SUPT3H: variants seen among roughly 807,000 people sequenced by gnomAD.
SUPT3H encodes the protein transcription initiation protein SPT3 homolog.
A neutral mutation model predicts 44.3 loss-of-function variants in SUPT3H; 44 were observed. The ratio of observed to expected loss-of-function variants is 0.99; its 90% CI spans 0.78 to 1.28. SUPT3H has a LOEUF of 1.28. SUPT3H is among the 50% of genes most tolerant of loss of function. The pLI is 0.00. For missense variants in SUPT3H, 380 were observed against 387.1 expected, an observed-to-expected ratio of 0.98 and a Z score of 0.15; for synonymous variants, 124 against 125.6, an observed-to-expected ratio of 0.99 and a Z score of 0.09.
intron 5 of SUPT3H, among the ~76,000 whole-genome samples, chr6:45,007,751 T>TTG (rs1562247299): frequency 1.3e-5 from 2 of 150,012 alleles, no homozygotes; most frequent in Non-Finnish European, 1.5e-5. Flanking sequence ...TTTTTTTTTT[T>TTG]GCTGCTTGAT....
At position 45,146,262 on chromosome 6, in the gene SUPT3H, G is replaced by A. The variant is rs137974086; in HGVS notation, c.102-40256C>T. 2.7e-4 allele frequency among the ~76,000 whole-genome samples: 41 copies of A among 152,128 alleles called. 1 individual carries two copies. In the East Asian group the frequency reaches 3.1e-3, roughly 11 times the overall value. ...TTCGCAACTGCAAAAATATGGAACC[G>A]GCCTAAATGCCCATCAATCAATGAG... is the stretch of plus-strand genomic sequence containing the variant. On this transcript the variant is annotated intron_variant, in intron 2 of 10. Coordinates refer to ENST00000371459, the MANE Select transcript of SUPT3H (RefSeq NM_003599.4).
At chr6:45,220,308 A>T (rs1211807343) in intron 2 of SUPT3H, among the ~76,000 whole-genome samples, 1 of 152,124 alleles carries the variant, frequency 6.6e-6, no homozygotes, top group Non-Finnish European at 1.5e-5. Flanking sequence ...ACGGTTCAAC[A>T]TTCAAAAATA....
At chr6:45,164,537 A>G (rs1809546175) in intron 2 of SUPT3H, among the ~76,000 whole-genome samples, 1 of 152,048 alleles carries the variant, frequency 6.6e-6, no homozygotes, top group Non-Finnish European at 1.5e-5. Context: ...TCGTTAGTCA[A>G]CCTACAAGTG....
At chr6:45,071,390 CCTGT>C (rs1295117256) in intron 3 of SUPT3H, among the ~76,000 whole-genome samples, 1 of 152,194 alleles carries the variant, frequency 6.6e-6, no homozygotes, top group South Asian at 2.1e-4. Context: ...TTATTATTTT[CCTGT>C]CTTTTTTTGC....
chr6:45,236,492 TA>T (rs1294360844), intron 2 of SUPT3H, among the ~76,000 whole-genome samples: 3 of 152,074 alleles, frequency 2.0e-5, no homozygotes, highest in Non-Finnish European at 4.4e-5. Flanking sequence ...GTTTGCCAGG[TA>T]AAGCTAAAGT....
chr6:44,826,991 A>T lies in SUPT3H; in HGVS notation c.*2825T>A, dbSNP rs1767827944. 6.6e-6 allele frequency among the ~76,000 whole-genome samples: 1 copy of T among 152,176 alleles called. No homozygotes were observed. Among genetic ancestry groups the T allele is most frequent in the Admixed American group, 6.5e-5 (1 of 15,268 alleles). On this transcript the variant is annotated 3_prime_UTR_variant, in exon 11 of 11. Transcript: ENST00000371459. ...AGAAGGCAGGAAAGCTAATGGCATA[A>T]CCCTCTAAATGGCACGTTCAGAAAG...
At chr6:45,196,488 T>C (rs1816052302) in intron 2 of SUPT3H, among the ~76,000 whole-genome samples, 2 of 152,016 alleles carry the variant, frequency 1.3e-5, no homozygotes, top group South Asian at 4.1e-4. Flanking sequence ...CTGGGTGGTA[T>C]TTTTGTGTTT....
chr6:44,864,896 C>T (rs562422379), intron 10 of SUPT3H, among the ~76,000 whole-genome samples: 1 of 152,316 alleles, frequency 6.6e-6, no homozygotes, highest in Admixed American at 6.5e-5. Context: ...CTAAAGCTGG[C>T]TTGAATTTCT....
intron 10 of SUPT3H, among the ~76,000 whole-genome samples, chr6:44,856,020 T>C (rs949929649): frequency 1.3e-5 from 2 of 152,194 alleles, no homozygotes; most frequent in South Asian, 2.1e-4. Context: ...TCCTCTTTTA[T>C]TGTACCTTTT....
chr6:45,323,056 G>A, intron 2 of SUPT3H: 1 of 787,538 alleles, frequency 1.3e-6, no homozygotes, highest in Non-Finnish European at 2.0e-6. Context: ...TTTAAATTAT[G>A]AGATGACAAT....
chr6:45,252,036 C>T (rs761356307), intron 2 of SUPT3H, among the ~76,000 whole-genome samples: 6 of 152,096 alleles, frequency 3.9e-5, no homozygotes, highest in African/African-American at 9.6e-5. Flanking sequence ...AATAACCAGC[C>T]GACCAGAAGA....
At chr6:45,070,876 C>T (rs985241839) in intron 3 of SUPT3H, among the ~76,000 whole-genome samples, 1 of 151,880 alleles carries the variant, frequency 6.6e-6, no homozygotes, top group South Asian at 2.1e-4. Flanking sequence ...TTTAAAATCA[C>T]CATTAAGTTC....
chr6:45,062,630 G>C (rs868738102), intron 3 of SUPT3H, among the ~76,000 whole-genome samples: 5 of 152,320 alleles, frequency 3.3e-5, no homozygotes, highest in East Asian at 1.9e-4. Context: ...GAAGCAGGGC[G>C]AGGCATTGCC....
intron 2 of SUPT3H, among the ~76,000 whole-genome samples, chr6:45,245,202 C>T (rs1464695677): frequency 6.6e-6 from 1 of 151,948 alleles, no homozygotes; most frequent in Non-Finnish European, 1.5e-5. Flanking sequence ...GAATTTAAGT[C>T]CCTAAATAAT....
At chr6:45,013,533 C>A (rs1783802842) in intron 5 of SUPT3H, among the ~76,000 whole-genome samples, 1 of 152,032 alleles carries the variant, frequency 6.6e-6, no homozygotes, top group Admixed American at 6.6e-5. Flanking sequence ...GAAAGGGAAG[C>A]AACCCCTAGA....
intron 2 of SUPT3H, among the ~76,000 whole-genome samples, chr6:45,130,711 A>AAAT (rs1562519381): frequency 2.7e-4 from 15 of 56,198 alleles, no homozygotes; most frequent in East Asian, 8.2e-4. Context: ...AAAAAAAACC[A>AAAT]CTTTTTTTTT....
chr6:45,152,406 G>A (rs1322317609), intron 2 of SUPT3H, among the ~76,000 whole-genome samples: 2 of 152,018 alleles, frequency 1.3e-5, no homozygotes, highest in Non-Finnish European at 2.9e-5. Context: ...CTCTAGCCTG[G>A]GCAGTTCTAG....
intron 10 of SUPT3H, among the ~76,000 whole-genome samples, chr6:44,918,790 G>T (rs1024905897): frequency 6.6e-6 from 1 of 152,178 alleles, no homozygotes; most frequent in African/African-American, 2.4e-5. Context: ...ACAAAAGGGG[G>T]TCTGGTGCTA....
intron 10 of SUPT3H, among the ~76,000 whole-genome samples, chr6:44,880,287 G>A (rs1240120491): frequency 1.3e-5 from 2 of 151,992 alleles, no homozygotes; most frequent in Non-Finnish European, 2.9e-5. Context: ...GCATTCACAA[G>A]TATCAGTAGC....
Sources: allele counts gnomAD v4.1 joint callset (sites outside exome capture counted in the v4.1 genomes callset), GRCh38; gene constraint gnomAD v4.1.1; transcripts MANE v1.5; gene names NCBI Gene and HGNC (gene_info 2026-07-23, HGNC 2026-07-21).